POU6F2: variants seen among roughly 807,000 people sequenced by gnomAD.
POU6F2 encodes the protein POU class 6 homeobox 2.
A neutral mutation model predicts 71.3 loss-of-function variants in POU6F2; 31 were observed. The ratio of observed to expected loss-of-function variants is 0.43; its 90% confidence interval spans 0.33 to 0.59. The LOEUF (loss-of-function observed/expected upper bound fraction) is 0.59, where lower values mean the gene tolerates loss of function less well. Among genes scored for constraint, POU6F2 ranks in the 20% least tolerant of loss-of-function variants. POU6F2 has a pLI of 0.04. For synonymous variants in POU6F2, 347 were observed against 355.7 expected (o/e 0.98, Z 0.27); for missense variants, 783 against 856.8 (o/e 0.91, Z 1.07).
chr7:39,133,514 C>G (rs546521881), intron 2 of POU6F2, among the ~76,000 whole-genome samples: 3 of 152,220 alleles, frequency 2.0e-5, no homozygotes, highest in African/African-American at 7.2e-5. Flanking sequence ...TGAATGTACT[C>G]AAGAATTTGG....
intron 2 of POU6F2, among the ~76,000 whole-genome samples, chr7:39,091,924 ATTTGGGG>A (rs1208512369): frequency 2.0e-5 from 3 of 152,174 alleles, no homozygotes; most frequent in African/African-American, 7.2e-5. Flanking sequence ...GCTGGTTTAT[ATTTGGGG>A]ATTAATAATA....
At chr7:39,304,189 AAC>A (rs1003516621) in intron 4 of POU6F2, among the ~76,000 whole-genome samples, 3 of 152,240 alleles carry the variant, frequency 2.0e-5, no homozygotes, top group African/African-American at 7.2e-5. Context: ...AGAAAGCTGC[AAC>A]ACATATGGTA....
In POU6F2 at chr7:39,219,965, A is replaced by G. The variant is rs1359452670; in HGVS notation, c.598+12345A>G. On this transcript the variant is annotated intron_variant, in intron 4 of 9. Transcript: ENST00000518318. ...AATAAATAATAGAGATAAAATTTAT[A>G]CTTCCATATATTTCAAAGTTAATGC... Among the ~76,000 whole-genome samples, 5 of 152,232 alleles carry G rather than the reference A, an allele frequency of 3.3e-5. No homozygotes were observed. The East Asian group carries it at 7.7e-4, about 23-fold the overall frequency.
intron 4 of POU6F2, among the ~76,000 whole-genome samples, chr7:39,309,286 C>T (rs1305440455): frequency 6.6e-6 from 1 of 152,226 alleles, no homozygotes; most frequent in Non-Finnish European, 1.5e-5. Flanking sequence ...AGGAATCCTA[C>T]CTACCATTGT....
intron 4 of POU6F2, among the ~76,000 whole-genome samples, chr7:39,337,747 C>T (rs144548076): frequency 1.2e-4 from 18 of 152,226 alleles, no homozygotes; most frequent in African/African-American, 4.1e-4. Context: ...CTGGTGTATA[C>T]CTGAACATAT....
intron 1 of POU6F2, among the ~76,000 whole-genome samples, chr7:38,996,890 G>T (rs759295528): frequency 6.6e-6 from 1 of 152,160 alleles, no homozygotes; most frequent in African/African-American, 2.4e-5. Flanking sequence ...TGAATGGACA[G>T]AGCACATGGA....
At chr7:39,209,697 G>A (rs948496401) in intron 4 of POU6F2, among the ~76,000 whole-genome samples, 25 of 152,310 alleles carry the variant, frequency 1.6e-4, no homozygotes, top group African/African-American at 6.0e-4. Context: ...TGGTCACCTT[G>A]TAATCAATCC....
intron 5 of POU6F2, among the ~76,000 whole-genome samples, chr7:39,348,799 G>A (rs1786079460): frequency 6.6e-6 from 1 of 152,232 alleles, no homozygotes; most frequent in Admixed American, 6.5e-5. Flanking sequence ...TAGAAAGATA[G>A]ATGGGTAGAT....
intron 1 of POU6F2, among the ~76,000 whole-genome samples, chr7:39,030,500 CTATATATATATATA>C (rs58426134): frequency 0.011 from 497 of 46,250 alleles, 18 homozygotes; most frequent in East Asian, 0.031. Flanking sequence ...TCAAAAAATA[CTATATATATATATA>C]TATATATATA....
At chr7:39,167,030 C>T (rs1793128012) in intron 2 of POU6F2, among the ~76,000 whole-genome samples, 2 of 152,160 alleles carry the variant, frequency 1.3e-5, no homozygotes, top group African/African-American at 4.8e-5. Context: ...TCTTTCCTCA[C>T]ACCTCACACC....
At chr7:39,271,495 A>G (rs1163432344) in intron 4 of POU6F2, among the ~76,000 whole-genome samples, 1 of 5,586 alleles carries the variant, frequency 1.8e-4, no homozygotes, top group Non-Finnish European at 4.6e-4. Flanking sequence ...TCAATCAGTG[A>G]AAAAAAAAAA....
intron 6 of POU6F2, among the ~76,000 whole-genome samples, chr7:39,408,482 G>A (rs1011980868): frequency 4.6e-5 from 7 of 152,202 alleles, no homozygotes; most frequent in African/African-American, 1.7e-4. Flanking sequence ...CCAAACCCCA[G>A]GGATAGCTTT....
At chr7:39,402,404 A>AT (rs1235644095) in intron 5 of POU6F2, among the ~76,000 whole-genome samples, 1 of 150,342 alleles carries the variant, frequency 6.7e-6, no homozygotes, top group Non-Finnish European at 1.5e-5. Context: ...ATCCTAAAGG[A>AT]ATTTTTTTTT....
rs751604488 is a variant in POU6F2, at chr7:39,142,034, C to A, written c.277+56003C>A. On this transcript the variant is annotated intron_variant, in intron 2 of 9. Coordinates refer to ENST00000518318, the MANE Select transcript of POU6F2 (RefSeq NM_001370959.1). The stretch of plus-strand genomic sequence containing the variant: ...CTCAGGAGATGGAGGTTGCAGTGAG[C>A]GGAGATCGTGCCACTGTACTCCAGC... Among the ~76,000 whole-genome samples the A allele has an allele frequency of 2.0e-5, 3 of 151,896 alleles. No individual in the cohort carries two copies. In the South Asian group the frequency reaches 6.2e-4, roughly 32 times the overall value.
intron 2 of POU6F2, among the ~76,000 whole-genome samples, chr7:39,164,596 A>G (rs941586184): frequency 6.6e-6 from 1 of 151,558 alleles, no homozygotes; most frequent in Admixed American, 6.6e-5. Context: ...GATGCTGTGG[A>G]AGCATTTGCC....
chr7:39,256,354 C>T (rs552095293), intron 4 of POU6F2, among the ~76,000 whole-genome samples: 2 of 152,194 alleles, frequency 1.3e-5, no homozygotes, highest in South Asian at 2.1e-4. Context: ...TATCAAAATC[C>T]CCAGGAGAGG....
chr7:39,095,616 T>TA (rs1279579003), intron 2 of POU6F2, among the ~76,000 whole-genome samples: 2 of 152,176 alleles, frequency 1.3e-5, no homozygotes, highest in Non-Finnish European at 2.9e-5. Flanking sequence ...TATGGATTCT[T>TA]AGAGTGACAG....
intron 4 of POU6F2, among the ~76,000 whole-genome samples, chr7:39,234,997 C>T (rs368693414): frequency 1.3e-5 from 2 of 152,200 alleles, no homozygotes; most frequent in African/African-American, 4.8e-5. Context: ...CAAGTGCCTT[C>T]CCACTTTCAG....
chr7:39,365,242 T>C (rs1196812203), intron 5 of POU6F2, among the ~76,000 whole-genome samples: 1 of 152,152 alleles, frequency 6.6e-6, no homozygotes, highest in African/African-American at 2.4e-5. Context: ...AATACTTACT[T>C]ACAGCCAAGT....
Sources: gnomAD v4.1 joint callset for allele counts (sites outside exome capture counted in the v4.1 genomes callset) on GRCh38, gnomAD v4.1.1 for gene constraint, MANE v1.5 for transcripts, NCBI Gene and HGNC (gene_info 2026-07-23, HGNC 2026-07-21) for gene names.